The following PCDHA2 variants were observed in gnomAD, a reference collection of about 807,000 sequenced individuals.
The protein encoded by PCDHA2 is protocadherin alpha-2.
In PCDHA2, 58 loss-of-function variants were observed where a neutral mutation model predicts 66.0. The observed-to-expected ratio is 0.88, with a 90% CI of 0.71 to 1.09. The LOEUF is 1.09. Among genes scored for constraint, PCDHA2 ranks in the 50% least tolerant of loss-of-function variants. PCDHA2 has a pLI of 0.00. For missense variants in PCDHA2, 1,267 were observed against 1,242.3 expected (o/e 1.02, Z -0.30); for synonymous variants, 634 against 554.0 (o/e 1.14, Z -2.03).
chr5:140,906,076 C>T (rs541119722), intron 1 of PCDHA2, among the ~76,000 whole-genome samples: 2 of 152,326 alleles, frequency 1.3e-5, no homozygotes, highest in African/African-American at 4.8e-5. Context: ...AGATCGCACC[C>T]ACCCAGACTG....
chr5:140,944,623 T>A (rs535315515), intron 1 of PCDHA2, among the ~76,000 whole-genome samples: 62 of 152,320 alleles, frequency 4.1e-4, no homozygotes, highest in Non-Finnish European at 7.3e-4. Context: ...AGAAGTATAG[T>A]GTTGTAAGCC....
chr5:141,010,201 C>G lies in PCDHA2; in HGVS notation c.*264C>G, dbSNP rs782495760. On this transcript the variant is annotated 3_prime_UTR_variant, in exon 4 of 4. Coordinates refer to ENST00000526136, the MANE Select transcript of PCDHA2 (RefSeq NM_018905.3). ...GCAGACCCAAGTTTCCTTTCTCCTC[C>G]GCCGCAAAGGAGAGGCTTCCCAGCC... 9.0e-6 allele frequency: 14 copies of G among 1,551,916 alleles called. No homozygotes were observed. Among genetic ancestry groups the G allele is most frequent in the Non-Finnish European group, 1.0e-5 (12 of 1,147,084 alleles).
rs1554119879 is a variant in PCDHA2, at chr5:140,796,392, G to T, written c.1428G>T (p.Thr476=). 6 of 1,613,790 alleles carry T rather than the reference G, an allele frequency of 3.7e-6. No homozygotes were observed. Among genetic ancestry groups the T allele is most frequent in the African/African-American group, 2.7e-5 (2 of 74,866 alleles). The stretch of plus-strand genomic sequence containing the variant: ...ACCCGCCGGGCTGCCACATCTTCAC[G>T]GTGTCAGCGTGGGATGCGGACGCGC... ...ENNPPGCHIF[T]VSAWDADAQE... Residue 476 remains threonine (T), a synonymous_variant, in exon 1 of 4, where the codon ACG becomes ACT. Coordinates refer to ENST00000526136, the MANE Select transcript of PCDHA2 (RefSeq NM_018905.3).
In PCDHA2 at chr5:140,884,578, G is replaced by A. The variant is rs1554181757; in HGVS notation, c.2388+87226G>A. 6 of 1,614,104 alleles carry A rather than the reference G, an allele frequency of 3.7e-6. No homozygotes were observed. In the South Asian group the frequency reaches 4.4e-5, roughly 12 times the overall value. On this transcript the variant is annotated intron_variant, in intron 1 of 3. Transcript: ENST00000526136. ...AGGGCCCGCATAAGACGGACCTCAT[G>A]GCCTTCAGTCCCAGCCTTCCTCCTT...
chr5:140,867,224 C>A (rs1432488021), intron 1 of PCDHA2: 7 of 152,034 alleles, frequency 4.6e-5, no homozygotes, highest in African/African-American at 1.4e-4. Flanking sequence ...TCCCCAATTC[C>A]CATAATAAGG....
intron 1 of PCDHA2, among the ~76,000 whole-genome samples, chr5:140,942,047 T>C (rs2093223138): frequency 6.6e-6 from 1 of 152,228 alleles, no homozygotes; most frequent in African/African-American, 2.4e-5. Context: ...TGGTCTATTA[T>C]GAAATGTTTG....
intron 1 of PCDHA2, among the ~76,000 whole-genome samples, chr5:140,965,342 G>T (rs2095891598): frequency 6.6e-6 from 1 of 152,130 alleles, no homozygotes; most frequent in South Asian, 2.1e-4. Context: ...TTGTCTCTGT[G>T]TTGCCTCTAT....
intron 1 of PCDHA2, chr5:140,828,401 A>C: frequency 2.5e-6 from 4 of 1,614,288 alleles, no homozygotes; most frequent in Non-Finnish European, 3.4e-6. Context: ...GGAGTGCAGC[A>C]TCCACCTGGA....
intron 1 of PCDHA2, among the ~76,000 whole-genome samples, chr5:140,839,582 G>A (rs965029185): frequency 6.6e-6 from 1 of 151,908 alleles, no homozygotes; most frequent in African/African-American, 2.4e-5. Flanking sequence ...TAGAGATGGG[G>A]TCTTACCATG....
At chr5:140,893,818 G>A (rs184696543) in intron 1 of PCDHA2, among the ~76,000 whole-genome samples, 14 of 152,114 alleles carry the variant, frequency 9.2e-5, no homozygotes, top group Admixed American at 3.3e-4. Context: ...GTCTGGTACC[G>A]TAGACTACTC....
At chr5:140,808,138 A>G in intron 1 of PCDHA2, 1 of 1,614,100 alleles carries the variant, frequency 6.2e-7, no homozygotes, top group Non-Finnish European at 8.5e-7. Context: ...AATCCTATGA[A>G]ATTATTGTAG....
chr5:140,990,838 A>C (rs2097419271), intron 3 of PCDHA2, among the ~76,000 whole-genome samples: 1 of 152,222 alleles, frequency 6.6e-6, no homozygotes, highest in Admixed American at 6.5e-5. Flanking sequence ...CCTATTAGCA[A>C]AAATAGAGCC....
Position 140,797,027 on chromosome 5 carries a change from G to T in PCDHA2, c.2063G>T (p.Gly688Val), listed in dbSNP as rs1554120257. 2 of 1,613,724 alleles carry T rather than the reference G, an allele frequency of 1.2e-6. No homozygotes were observed. The highest frequency in any genetic ancestry group is 2.2e-5 in the East Asian group (1 of 44,874). The change falls in exon 1 of 4, where the codon GGC becomes GTC. Residue 688 changes from glycine to valine, a missense_variant. Transcript: ENST00000526136. The part of the protein sequence containing the change: ...ASSRAWVGAA[G>V]SEATLVDVNV... ...TCGCGGGCGTGGGTGGGCGCCGCGG[G>T]CTCAGAGGCTACGCTGGTGGATGTC...
intron 1 of PCDHA2, chr5:140,848,033 C>T (rs1781291079): frequency 6.3e-6 from 1 of 158,434 alleles, no homozygotes; most frequent in Non-Finnish European, 1.4e-5. Flanking sequence ...CGTGATTGCT[C>T]AATGGAATCA....
chr5:140,907,693 G>A (rs573463032), intron 1 of PCDHA2, among the ~76,000 whole-genome samples: 49 of 152,318 alleles, frequency 3.2e-4, no homozygotes, highest in Non-Finnish European at 6.5e-4. Flanking sequence ...GTGAGTGGAA[G>A]TCCCTGTTGC....
intron 1 of PCDHA2, among the ~76,000 whole-genome samples, chr5:140,837,619 T>C (rs1775159860): frequency 6.7e-6 from 1 of 148,926 alleles, no homozygotes; most frequent in Admixed American, 6.6e-5. Flanking sequence ...ATTTGCCCCT[T>C]CCTTCCTTCC....
At chr5:140,821,760 T>C (rs201374772) in intron 1 of PCDHA2, 197 of 1,588,374 alleles carry the variant, frequency 1.2e-4, no homozygotes, top group East Asian at 4.3e-4. Flanking sequence ...AAGCTCATAA[T>C]TGGAACGAGA....
chr5:140,820,549 G>C (rs1219526064), intron 1 of PCDHA2, among the ~76,000 whole-genome samples: 2 of 152,016 alleles, frequency 1.3e-5, no homozygotes, highest in East Asian at 3.9e-4. Flanking sequence ...TAGAAAACTT[G>C]GTGATATTTT....
rs141822998 is a variant in PCDHA2 at position 140,801,109 on chromosome 5, G to A, written c.2388+3757G>A. 3.2e-3 allele frequency: 4,863 copies of A among 1,510,728 alleles called. 15 individuals carry two copies. The highest frequency in any genetic ancestry group is 3.9e-3 in the Non-Finnish European group (4,472 of 1,135,712). The allele number at this position is 1,510,728 out of a possible 1,614,324, so 93.6% of individuals were successfully genotyped here. ...CATCCTCTCTAAAATTTAACACCGA[G>A]GAGTTTAAGAAATGAAGATAAGGAA... is the stretch of plus-strand genomic sequence containing the variant. On this transcript the variant is annotated intron_variant, in intron 1 of 3. Transcript: ENST00000526136.
Sources: gnomAD v4.1 joint callset for allele counts (sites outside exome capture counted in the v4.1 genomes callset) on GRCh38, gnomAD v4.1.1 for gene constraint, MANE v1.5 for transcripts, NCBI Gene and HGNC (gene_info 2026-07-23, HGNC 2026-07-21) for gene names.